The following ABCG2 variants were observed in gnomAD, a reference collection of about 807,000 sequenced individuals.
ABCG2 encodes the protein broad substrate specificity ATP-binding cassette transporter ABCG2.
A neutral mutation model predicts 73.5 loss-of-function variants in ABCG2; 80 were observed. The ratio of observed to expected loss-of-function variants is 1.09; its 90% CI spans 0.91 to 1.31. The LOEUF is 1.31. Among genes scored for constraint, ABCG2 ranks in the 50% most tolerant of loss-of-function variants. ABCG2 has a pLI of 0.00. For missense variants in ABCG2, 796 were observed against 786.2 expected (o/e 1.01, Z -0.15); for synonymous variants, 269 against 282.4 (o/e 0.95, Z 0.48).
At chr4:88,202,773 C>T (rs13108819) in intron 1 of ABCG2, among the ~76,000 whole-genome samples, 85,848 of 151,830 alleles carry the variant, frequency 0.57, 26,190 homozygotes, top group East Asian at 0.67. Flanking sequence ...GCAGGAGGAT[C>T]ACTGGAGCCC....
chr4:88,209,297 G>A (rs1161116064), intron 1 of ABCG2, among the ~76,000 whole-genome samples: 143 of 124,814 alleles, frequency 1.1e-3, no homozygotes, highest in African/African-American at 4.3e-3. Flanking sequence ...GCGACAGAGC[G>A]AGACTCCATC....
At chr4:88,178,373 G>A (rs1052677167) in intron 1 of ABCG2, among the ~76,000 whole-genome samples, 4 of 152,140 alleles carry the variant, frequency 2.6e-5, no homozygotes, top group Non-Finnish European at 4.4e-5. Context: ...ATCACCTGCT[G>A]ACCAAAGAGC....
intron 1 of ABCG2, among the ~76,000 whole-genome samples, chr4:88,193,255 T>C (rs1165797645): frequency 6.6e-6 from 1 of 152,082 alleles, no homozygotes; most frequent in Non-Finnish European, 1.5e-5. Flanking sequence ...TATAAAATTA[T>C]AAGATGAACA....
chr4:88,141,671 G>C (rs1725649555), intron 1 of ABCG2, among the ~76,000 whole-genome samples: 2 of 152,106 alleles, frequency 1.3e-5, no homozygotes, highest in Non-Finnish European at 2.9e-5. Flanking sequence ...AAATTGCCAG[G>C]CATCAGGAAT....
At chr4:88,101,561 TC>T (rs530628614) in intron 10 of ABCG2, among the ~76,000 whole-genome samples, 191 of 151,946 alleles carry the variant, frequency 1.3e-3, no homozygotes, top group African/African-American at 4.5e-3. Flanking sequence ...GAATTGCGTC[TC>T]CCCCCACCAA....
At chr4:88,129,115 T>C (rs1225105810) in intron 5 of ABCG2, among the ~76,000 whole-genome samples, 1 of 152,142 alleles carries the variant, frequency 6.6e-6, no homozygotes, top group Non-Finnish European at 1.5e-5. Flanking sequence ...CCTCCCAGCC[T>C]CCAGGTGGAC....
chr4:88,197,468 T>C (rs568657174), intron 1 of ABCG2, among the ~76,000 whole-genome samples: 17 of 151,202 alleles, frequency 1.1e-4, no homozygotes, highest in African/African-American at 3.4e-4. Flanking sequence ...ATACATAAAT[T>C]ACCTGGGCAT....
At chr4:88,189,340 AC>A (rs1366718040) in intron 1 of ABCG2, among the ~76,000 whole-genome samples, 1 of 151,798 alleles carries the variant, frequency 6.6e-6, no homozygotes, top group African/African-American at 2.4e-5. Flanking sequence ...ATAGTAACAC[AC>A]CTTCTCCACA....
At position 88,099,371 on chromosome 4, in the gene ABCG2, C is replaced by A; in HGVS notation, c.1445G>T (p.Arg482Met). 1 of 1,612,020 alleles carries A rather than the reference C, an allele frequency of 6.2e-7. No individual in the cohort carries two copies. Among genetic ancestry groups the A allele is most frequent in the Non-Finnish European group, 8.5e-7 (1 of 1,178,910 alleles). ...GKLLSDLLPM[R>M]MLPSIIFTCI... ...GGTAAATATAATACTTGGTAACATCCTCATGGGTAATAAATCAGATAACAG... is the reference window on the plus strand; with the variant it reads ...GGTAAATATAATACTTGGTAACATCATCATGGGTAATAAATCAGATAACAG... Residue 482 changes from arginine (R) to methionine (M), a missense_variant, in exon 12 of 16, where the codon AGG (arginine) becomes ATG (methionine). Physicochemically the swap from Arg to Met is moderately conservative, Grantham distance 91. Transcript: ENST00000237612.
chr4:88,194,498 C>T (rs10013016), intron 1 of ABCG2, among the ~76,000 whole-genome samples: 18 of 143,752 alleles, frequency 1.3e-4, no homozygotes, highest in African/African-American at 4.8e-4. Flanking sequence ...TGCAGTGAGC[C>T]GAGATCTGGC....
chr4:88,193,633 A>G (rs1216360304), intron 1 of ABCG2, among the ~76,000 whole-genome samples: 1 of 152,228 alleles, frequency 6.6e-6, no homozygotes, highest in African/African-American at 2.4e-5. Flanking sequence ...CATTTTTGCT[A>G]GTAGGCTGAT....
intron 1 of ABCG2, among the ~76,000 whole-genome samples, chr4:88,172,611 A>T (rs1244060880): frequency 3.3e-5 from 5 of 152,002 alleles, no homozygotes; most frequent in Admixed American, 2.0e-4. Flanking sequence ...AATTAATTAA[A>T]TTAATAAGTA....
chr4:88,204,627 T>C (rs28401615), intron 1 of ABCG2, among the ~76,000 whole-genome samples: 44,200 of 152,150 alleles, frequency 0.29, 7,084 homozygotes, highest in Middle Eastern at 0.42. Flanking sequence ...GTTTTGCACA[T>C]CTTCAGTATA....
chr4:88,214,079 C>T (rs1433468647), intron 1 of ABCG2, among the ~76,000 whole-genome samples: 1 of 144,380 alleles, frequency 6.9e-6, no homozygotes, highest in African/African-American at 2.6e-5. Flanking sequence ...CCTTGAACTC[C>T]TGGGCTCAAG....
intron 1 of ABCG2, among the ~76,000 whole-genome samples, chr4:88,187,110 A>G (rs1422726744): frequency 2.0e-5 from 3 of 148,446 alleles, no homozygotes; most frequent in African/African-American, 7.4e-5. Flanking sequence ...AAAAAAAAAA[A>G]AAAAAAAAAA....
Position 88,158,453 on chromosome 4 carries a change from G to T in ABCG2, c.-87C>A, listed in dbSNP as rs576974429. 5 of 454,920 alleles carry T rather than the reference G, an allele frequency of 1.1e-5. No individual in the cohort carries two copies. Among genetic ancestry groups the T allele is most frequent in the South Asian group, 7.8e-5 (5 of 64,456 alleles). The allele number at this position is 454,920 out of a possible 1,614,324, so 28.2% of individuals were successfully genotyped here. ...CAGGATGCGTGCGCTCGGAGGCAGC[G>T]CTTTAACAATTAAGGATGTAAATGT... On this transcript the variant is annotated 5_prime_UTR_variant, in exon 1 of 16. Transcript: ENST00000237612.
chr4:88,120,983 C>T (rs1255712763), intron 6 of ABCG2, among the ~76,000 whole-genome samples: 1 of 152,172 alleles, frequency 6.6e-6, no homozygotes, highest in African/African-American at 2.4e-5. Context: ...GCCAAAATCA[C>T]TGTTCAAAAC....
chr4:88,130,957 T>C, intron 5 of ABCG2, 104 bp downstream of exon 5: 1 of 1,311,028 alleles, frequency 7.6e-7, no homozygotes. Flanking sequence ...GCAACCATTT[T>C]TGACCATACA....
In ABCG2 at chr4:88,191,634, T is replaced by C. The variant is rs372651405; in HGVS notation, c.-20+39360A>G. Among the ~76,000 whole-genome samples the C allele has an allele frequency of 3.3e-5, 5 of 152,318 alleles. No individual in the cohort carries two copies. The East Asian group carries it at 5.8e-4, about 18-fold the overall frequency. On this transcript the variant is annotated intron_variant, in intron 1 of 15. Coordinates refer to the ABCG2 transcript ENST00000515655. ...TCTGTCCAAGACAAATGACAGCCTA[T>C]GTTTACACAAAGGGCTGTAAGCAAA...
Sources: gnomAD v4.1 joint callset for allele counts (sites outside exome capture counted in the v4.1 genomes callset) on GRCh38, gnomAD v4.1.1 for gene constraint, MANE v1.5 for transcripts, NCBI Gene and HGNC (gene_info 2026-07-23, HGNC 2026-07-21) for gene names.